Variants in NLRP13 observed in about 807,000 individuals in gnomAD.
NLRP13 encodes NLR family pyrin domain containing 13, also known as NACHT, LRR and PYD domains-containing protein 13.
NLRP13 carries 82 observed loss-of-function variants against 94.4 expected under a neutral mutation model. The ratio of observed to expected loss-of-function variants is 0.87; its 90% CI spans 0.73 to 1.04. The LOEUF is 1.04. Among genes scored for constraint, NLRP13 ranks in the 50% least tolerant of loss-of-function variants. The pLI, the probability that NLRP13 is intolerant of heterozygous loss-of-function variation, is 0.00. For synonymous variants in NLRP13, 553 were observed against 464.7 expected, an observed-to-expected ratio of 1.19 and a Z score of -2.45; for missense variants, 1,426 against 1,230.8, an observed-to-expected ratio of 1.16 and a Z score of -2.37.
downstream of NLRP13, among the ~76,000 whole-genome samples, chr19:55,893,291 G>A (rs554811306): frequency 6.6e-6 from 1 of 152,232 alleles, no homozygotes; most frequent in Admixed American, 6.5e-5. Flanking sequence ...GGGAGGCTGA[G>A]GCAAGAGAAT....
intron 1 of NLRP13, among the ~76,000 whole-genome samples, chr19:55,926,050 G>C (rs1261119211): frequency 1.3e-5 from 2 of 152,084 alleles, no homozygotes; most frequent in African/African-American, 4.8e-5. Context: ...CCTTTTCCTA[G>C]CCATAGCCCA....
rs1338071833 is a variant in NLRP13, at chr19:55,930,901, A to ATATTTTTTT, written c.319+1091_319+1092insAAAAAAATA. On this transcript the variant is annotated intron_variant, in intron 1 of 10. Transcript: ENST00000342929. ...ATATATATATATATATATATATAAA[A>ATATTTTTTT]TTTTAACCAGAAGCTTAAACAGCAT... 6.3e-3 allele frequency among the ~76,000 whole-genome samples: 620 copies of ATATTTTTTT among 98,266 alleles called. 8 individuals carry two copies. Among genetic ancestry groups the ATATTTTTTT allele is most frequent in the South Asian group, 9.4e-3 (30 of 3,198 alleles). 64.5% of individuals were successfully genotyped at this position (98,266 alleles called of 152,430 possible).
Position 55,896,200 on chromosome 19 carries a change from A to C in NLRP13, c.2958-81T>G, listed in dbSNP as rs917149581. ...GAAAAGAGATACCACATCTGCAGGA[A>C]AAAAACTATTACTAAAGCAGACTGC... is the stretch of plus-strand genomic sequence containing the variant. On this transcript the variant is annotated intron_variant, in intron 10 of 10. Coordinates refer to ENST00000342929, the MANE Select transcript of NLRP13 (RefSeq NM_176810.2). 5.4e-6 allele frequency: 8 copies of C among 1,478,960 alleles called. No homozygotes were observed. In the African/African-American group the frequency reaches 8.4e-5, roughly 16 times the overall value. 91.6% of individuals were successfully genotyped at this position (1,478,960 alleles called of 1,614,324 possible).
intron 6 of NLRP13, among the ~76,000 whole-genome samples, chr19:55,908,360 G>A (rs986590261): frequency 1.4e-4 from 21 of 152,214 alleles, no homozygotes; most frequent in African/African-American, 3.9e-4. Flanking sequence ...AACTAAGTAC[G>A]ACCAAAAGTT....
chr19:55,911,647 T>A, intron 5 of NLRP13, 59 bp downstream of exon 5: 1 of 1,469,900 alleles, frequency 6.8e-7, no homozygotes, highest in Non-Finnish European at 9.2e-7. Context: ...ATGAAAGAAT[T>A]TGCACAGAGC....
At chr19:55,923,450 T>G (rs1280522335) in intron 4 of NLRP13, among the ~76,000 whole-genome samples, 1 of 152,200 alleles carries the variant, frequency 6.6e-6, no homozygotes, top group Non-Finnish European at 1.5e-5. Context: ...AATAGCTTGT[T>G]TATCATGCCT....
At position 55,912,359 on chromosome 19, in the gene NLRP13, C is replaced by T; in HGVS notation, c.1458G>A (p.Leu486=). 1.2e-6 allele frequency: 2 copies of T among 1,614,082 alleles called. No individual in the cohort carries two copies. The highest frequency in any genetic ancestry group is 1.7e-6 in the Non-Finnish European group (2 of 1,179,980). ...WPGQWRALCS[L]AIEGLWSMNF... Reference sequence around the variant, plus strand: ...TCATAGACCACAGCCCTTCTATGGCCAGACTGCAGAGGGCCCTCCATTGTC... The same window carrying T: ...TCATAGACCACAGCCCTTCTATGGCTAGACTGCAGAGGGCCCTCCATTGTC... The change falls in exon 5 of 11, where the codon CTG becomes CTA. Residue 486 remains leucine (L), a synonymous_variant. Coordinates refer to ENST00000342929, the MANE Select transcript of NLRP13 (RefSeq NM_176810.2).
intron 9 of NLRP13, among the ~76,000 whole-genome samples, chr19:55,901,392 G>T (rs896694620): frequency 6.6e-6 from 1 of 152,158 alleles, no homozygotes; most frequent in African/African-American, 2.4e-5. Flanking sequence ...AGATAATGTG[G>T]GCACTTAAGG....
chr19:55,923,512 G>A (rs1986890157), intron 4 of NLRP13, among the ~76,000 whole-genome samples: 2 of 152,092 alleles, frequency 1.3e-5, no homozygotes, highest in African/African-American at 4.8e-5. Flanking sequence ...GGTGGAAGGG[G>A]CACCACCATG....
downstream of NLRP13, among the ~76,000 whole-genome samples, chr19:55,894,465 C>T (rs559216155): frequency 1.2e-4 from 18 of 152,290 alleles, no homozygotes; most frequent in South Asian, 1.7e-3. Flanking sequence ...GGCCTTTGCA[C>T]ATGCTACTGA....
intron 7 of NLRP13, among the ~76,000 whole-genome samples, chr19:55,906,665 A>G (rs1480772904): frequency 6.6e-6 from 1 of 152,016 alleles, no homozygotes; most frequent in Non-Finnish European, 1.5e-5. Context: ...GAGCTGACAA[A>G]TCTGGTAGGT....
intron 7 of NLRP13, among the ~76,000 whole-genome samples, chr19:55,905,814 C>T (rs1239451405): frequency 1.3e-5 from 2 of 152,186 alleles, no homozygotes; most frequent in African/African-American, 4.8e-5. Context: ...GCAACCCCTA[C>T]ACCATCAGGA....
intron 4 of NLRP13, 103 bp downstream of exon 4, chr19:55,923,811 A>T: frequency 2.4e-6 from 2 of 823,186 alleles, no homozygotes; most frequent in South Asian, 3.0e-5. Flanking sequence ...TGCATACCAT[A>T]AACTGAAGAA....
intron 4 of NLRP13, among the ~76,000 whole-genome samples, chr19:55,915,783 C>T (rs925050719): frequency 1.3e-5 from 2 of 152,098 alleles, no homozygotes; most frequent in African/African-American, 4.8e-5. Flanking sequence ...CACTCCCACC[C>T]CTCCATGGCT....
rs536103075 is a variant in NLRP13, at chr19:55,910,208, C to T, written c.2282+355G>A. Among the ~76,000 whole-genome samples the T allele has an allele frequency of 1.9e-4, 29 of 152,314 alleles. 1 individual carries two copies. The South Asian group carries it at 5.6e-3, about 29-fold the overall frequency. On this transcript the variant is annotated intron_variant, in intron 6 of 10. Transcript: ENST00000342929. ...AAACACTACCTACTTTTGCTTAAGA[C>T]ACGAAGCAGTCTCAGACTACACGTG...
rs763169121 is a variant in NLRP13 at position 55,907,789 on chromosome 19, T to TA, written c.2447+2dup. The TA allele has an allele frequency of 6.2e-7, 1 of 1,613,764 alleles. No individual in the cohort carries two copies. The highest frequency in any genetic ancestry group is 2.2e-5 in the East Asian group (1 of 44,846). On this transcript the variant is annotated splice_region_variant and intron_variant, in intron 7 of 10. Transcript: ENST00000342929. ...TGACAGATCTAGGGAGCCAAAGACT[T>TA]ACCACAGATACTTGAGGTTGCAAGC...
rs550205512 is a variant in NLRP13, at chr19:55,900,312, G to A, written c.2790-1375C>T. ...TGGAAGTTTTTATCAATGGTTGTCA[G>A]CATTTGAAAACATACTCAACTTCAT... On this transcript the variant is annotated intron_variant, in intron 9 of 10. Transcript: ENST00000342929. 1.1e-4 allele frequency among the ~76,000 whole-genome samples: 16 copies of A among 152,220 alleles called. No homozygotes were observed. In the South Asian group the frequency reaches 3.3e-3, roughly 32 times the overall value.
Position 55,912,709 on chromosome 19 carries a change from C to T in NLRP13, c.1108G>A (p.Asp370Asn), listed in dbSNP as rs370553797. Residue 370 changes from aspartate (D) to asparagine (N), a missense_variant, in exon 5 of 11, where the codon GAT (aspartate) becomes AAT (asparagine). Transcript: ENST00000342929. ...GGATTCACTAATGAGGCCTTAAGATCTCTCACAAACCAGGTCTTGATCGTG... is the reference window on the plus strand; with the variant it reads ...GGATTCACTAATGAGGCCTTAAGATTTCTCACAAACCAGGTCTTGATCGTG... ...LITIKTWFVR[D>N]LKASLVNPCF... 6 of 1,614,060 alleles carry T rather than the reference C, an allele frequency of 3.7e-6. No homozygotes were observed. The African/African-American group carries it at 6.7e-5, about 18-fold the overall frequency.
chr19:55,923,978 C>T lies in NLRP13; in HGVS notation c.459G>A (p.Gly153=). 6.2e-7 allele frequency: 1 copy of T among 1,613,002 alleles called. No individual in the cohort carries two copies. Among genetic ancestry groups the T allele is most frequent in the South Asian group, 1.1e-5 (1 of 91,038 alleles). The change falls in exon 4 of 11, where the codon GGG becomes GGA. Residue 153 remains glycine, a splice_region_variant and synonymous_variant. Coordinates refer to ENST00000342929, the MANE Select transcript of NLRP13 (RefSeq NM_176810.2). The part of the protein sequence containing the change: ...EELDELEEET[G]NVQAQGCQDP... ...CTTGGCATCCCTGGGCCTGTACATTCCCTGAAATAAACAGTGATGATGAGA... is the reference window on the plus strand; with the variant it reads ...CTTGGCATCCCTGGGCCTGTACATTTCCTGAAATAAACAGTGATGATGAGA...
Sources: allele counts gnomAD v4.1 joint callset (sites outside exome capture counted in the v4.1 genomes callset), GRCh38; gene constraint gnomAD v4.1.1; transcripts MANE v1.5; gene names NCBI Gene and HGNC (gene_info 2026-07-23, HGNC 2026-07-21).